The following PMP22 variants were observed in gnomAD, a reference collection of about 807,000 sequenced individuals.
PMP22 encodes peripheral myelin protein 22.
PMP22 carries 2 observed loss-of-function variants against 18.9 expected under a neutral mutation model. That is an observed-to-expected ratio of 0.11 (90% CI 0.04 to 0.33). The LOEUF (loss-of-function observed/expected upper bound fraction) is 0.33, where lower values mean the gene tolerates loss of function less well. PMP22 is among the 10% of genes least tolerant of loss of function. The pLI is 1.00. For missense variants in PMP22, 169 were observed against 202.2 expected (o/e 0.84, Z 1.00); for synonymous variants, 95 against 89.2 (o/e 1.07, Z -0.37).
At chr17:15,255,323 G>C (rs534604361) in intron 3 of PMP22, among the ~76,000 whole-genome samples, 26 of 152,312 alleles carry the variant, frequency 1.7e-4, no homozygotes, top group African/African-American at 5.3e-4. Flanking sequence ...AGCCTCTCTT[G>C]TAAATAGGTG....
At chr17:15,244,157 A>G (rs1442136278) in intron 3 of PMP22, among the ~76,000 whole-genome samples, 1 of 152,182 alleles carries the variant, frequency 6.6e-6, no homozygotes, top group Non-Finnish European at 1.5e-5. Context: ...GCCAATAAAC[A>G]TCGTAAAAGG....
At chr17:15,260,888 G>C (rs1909280792) in intron 1 of PMP22, 127 bp from the exon 2 acceptor site, 2 of 651,204 alleles carry the variant, frequency 3.1e-6, no homozygotes, top group Admixed American at 5.2e-5. Context: ...CCGACCGCCC[G>C]CGCGGGTCAG....
intron 3 of PMP22, among the ~76,000 whole-genome samples, chr17:15,257,066 C>T (rs1908898476): frequency 6.6e-6 from 1 of 152,198 alleles, no homozygotes. Flanking sequence ...AACAGACACT[C>T]TGGGGTCCTC....
intron 4 of PMP22, 27 bp downstream of exon 4, chr17:15,239,444 A>T (rs1460157790): frequency 1.2e-6 from 2 of 1,613,920 alleles, no homozygotes; most frequent in Admixed American, 3.3e-5. Context: ...CCCCGCTTCC[A>T]CATGGACTTT....
At chr17:15,244,330 ATAT>A (rs1267592955) in intron 3 of PMP22, among the ~76,000 whole-genome samples, 1 of 152,082 alleles carries the variant, frequency 6.6e-6, no homozygotes, top group East Asian at 1.9e-4. Context: ...AATAATAATA[ATAT>A]TATTATTATA....
intron 2 of PMP22, 31 bp downstream of exon 2, chr17:15,260,619 C>G: frequency 6.5e-7 from 1 of 1,535,468 alleles, no homozygotes; most frequent in East Asian, 2.4e-5. Flanking sequence ...AAGGGCGGGC[C>G]GCGCAGGGAG....
In PMP22 at chr17:15,261,976, A is replaced by T. The variant is rs1191292989; in HGVS notation, c.-34-1215T>A. ...TTCCTCTCCACAAGCATCACATTCAAAGAAACTCTGGAATGCACTGGAAGA... is the reference window on the plus strand; with the variant it reads ...TTCCTCTCCACAAGCATCACATTCATAGAAACTCTGGAATGCACTGGAAGA... On this transcript the variant is annotated intron_variant, in intron 1 of 4. Coordinates refer to ENST00000312280, the MANE Select transcript of PMP22 (RefSeq NM_000304.4). This position sits in a 1 kb window ranked among gnomAD's most constrained non-coding sequence, Gnocchi z 5.2. The T allele has an allele frequency of 6.6e-6, 1 of 152,200 alleles. No individual in the cohort carries two copies. Among genetic ancestry groups the T allele is most frequent in the Non-Finnish European group, 1.5e-5 (1 of 68,044 alleles). The allele number at this position is 152,200 out of a possible 1,614,324, so 9.4% of individuals were successfully genotyped here.
At chr17:15,254,330 G>C (rs1908624934) in intron 3 of PMP22, among the ~76,000 whole-genome samples, 1 of 152,198 alleles carries the variant, frequency 6.6e-6, no homozygotes, top group Admixed American at 6.5e-5. Context: ...AGGCTGCCCT[G>C]GCGCCTCTGA....
intron 3 of PMP22, among the ~76,000 whole-genome samples, chr17:15,253,704 C>T (rs1025393973): frequency 1.3e-5 from 2 of 152,134 alleles, no homozygotes; most frequent in East Asian, 1.9e-4. Flanking sequence ...CCCTCAACTA[C>T]GCCAAGCTCC....
At chr17:15,240,434 T>A (rs1167594670) in intron 3 of PMP22, among the ~76,000 whole-genome samples, 3 of 143,750 alleles carry the variant, frequency 2.1e-5, no homozygotes, top group African/African-American at 7.8e-5. Context: ...TTTGGTCAAC[T>A]CTGATCATGG....
intron 3 of PMP22, among the ~76,000 whole-genome samples, chr17:15,251,395 G>C (rs1481785598): frequency 6.6e-6 from 1 of 151,748 alleles, no homozygotes; most frequent in Admixed American, 6.6e-5. Context: ...GCTCTTTCTT[G>C]TTCATCTCTG....
intron 3 of PMP22, among the ~76,000 whole-genome samples, chr17:15,241,095 A>G (rs768693035): frequency 2.0e-5 from 3 of 152,316 alleles, no homozygotes; most frequent in African/African-American, 4.8e-5. Context: ...CATGAGCCCA[A>G]ATGACACAGC....
chr17:15,253,851 T>C (rs1186472451), intron 3 of PMP22, among the ~76,000 whole-genome samples: 2 of 152,198 alleles, frequency 1.3e-5, no homozygotes, highest in Admixed American at 1.3e-4. Context: ...CATTACCCTG[T>C]CTTATATAGT....
At chr17:15,256,886 ACGTTGGGGAAGATAG>A (rs1908881792) in intron 3 of PMP22, among the ~76,000 whole-genome samples, 1 of 152,212 alleles carries the variant, frequency 6.6e-6, no homozygotes, top group Non-Finnish European at 1.5e-5. Flanking sequence ...AAGTGCTGCC[ACGTTGGGGAAGATAG>A]CGGCAGAGAT....
chr17:15,231,701 C>T (rs928157523), intron 4 of PMP22, among the ~76,000 whole-genome samples: 4 of 152,228 alleles, frequency 2.6e-5, no homozygotes, highest in African/African-American at 4.8e-5. Context: ...AGGATGCAGC[C>T]GACAGTATGA....
chr17:15,264,226 G>A (rs1246695413), intron 1 of PMP22, among the ~76,000 whole-genome samples: 2 of 94,298 alleles, frequency 2.1e-5, no homozygotes, highest in African/African-American at 5.3e-5. Context: ...AGGTAGGTAG[G>A]TAGGTAGATA....
intron 3 of PMP22, among the ~76,000 whole-genome samples, chr17:15,254,665 A>C (rs948630200): frequency 6.6e-6 from 1 of 152,134 alleles, no homozygotes; most frequent in Non-Finnish European, 1.5e-5. Context: ...CTCATTAAAT[A>C]ATAATAAGAT....
chr17:15,239,401 TACTAA>T, intron 4 of PMP22, 65 bp downstream of exon 4: 1 of 1,546,570 alleles, frequency 6.5e-7, no homozygotes, highest in Non-Finnish European at 8.9e-7. Context: ...CACATCCTTC[TACTAA>T]ACTAATCATT....
intron 1 of PMP22, among the ~76,000 whole-genome samples, chr17:15,262,747 C>G (rs1909447169): frequency 6.6e-6 from 1 of 152,212 alleles, no homozygotes; most frequent in Non-Finnish European, 1.5e-5. Flanking sequence ...TGCAAAACCG[C>G]GGCGACTTTT....
Sources: gnomAD v4.1 joint callset for allele counts (sites outside exome capture counted in the v4.1 genomes callset) on GRCh38, gnomAD v4.1.1 for gene constraint, Gnocchi (gnomAD v3.1) non-coding constraint, MANE v1.5 for transcripts, NCBI Gene and HGNC (gene_info 2026-07-23, HGNC 2026-07-21) for gene names.